Variants in MYO9A observed in about 807,000 individuals in gnomAD.
The protein encoded by MYO9A is unconventional myosin-IXa.
A neutral mutation model predicts 293.3 loss-of-function variants in MYO9A; 103 were observed. The ratio of observed to expected loss-of-function variants is 0.35; its 90% CI spans 0.30 to 0.41. The LOEUF is 0.41. Among genes scored for constraint, MYO9A ranks in the 10% least tolerant of loss-of-function variants. The pLI is 1.00. For missense variants in MYO9A, 2,685 were observed against 3,033.0 expected (o/e 0.89, Z 2.69); for synonymous variants, 1,001 against 1,035.7 (o/e 0.97, Z 0.64).
At chr15:71,985,851 T>C (rs913225166) in intron 11 of MYO9A, among the ~76,000 whole-genome samples, 1 of 152,156 alleles carries the variant, frequency 6.6e-6, no homozygotes, top group Non-Finnish European at 1.5e-5. Context: ...ACAAGTAAAA[T>C]GGATGAAACA....
At chr15:71,835,759 T>C (rs2054915758) in intron 39 of MYO9A, among the ~76,000 whole-genome samples, 1 of 152,150 alleles carries the variant, frequency 6.6e-6, no homozygotes. Context: ...TTTTTGAGGC[T>C]GATTTCATAA....
At chr15:71,964,629 A>AAG (rs2075825630) in intron 13 of MYO9A, among the ~76,000 whole-genome samples, 1 of 151,130 alleles carries the variant, frequency 6.6e-6, no homozygotes, top group East Asian at 1.9e-4. Context: ...AAAAAAAAAA[A>AAG]AAAAAAAATT....
chr15:71,853,474 G>T (rs2055739819), intron 35 of MYO9A, among the ~76,000 whole-genome samples: 1 of 152,176 alleles, frequency 6.6e-6, no homozygotes, highest in Non-Finnish European at 1.5e-5. Flanking sequence ...GTCAGTAACT[G>T]CCTGTAAACC....
chr15:71,919,739 G>C (rs1567271491), intron 18 of MYO9A, among the ~76,000 whole-genome samples: 1 of 150,788 alleles, frequency 6.6e-6, no homozygotes. Flanking sequence ...CTACTCGGGA[G>C]GCTGAGGCAG....
chr15:72,023,704 A>G (rs1411978908), intron 4 of MYO9A, among the ~76,000 whole-genome samples: 1 of 151,238 alleles, frequency 6.6e-6, no homozygotes, highest in African/African-American at 2.4e-5. Flanking sequence ...TCAAAAAAAA[A>G]AAAAAAAAAG....
At position 72,046,556 on chromosome 15, in the gene MYO9A, A is replaced by G. The variant is rs777725706; in HGVS notation, c.8T>C (p.Ile3Thr). The change falls in exon 2 of 42, where the codon ATA becomes ACA. Residue 3 changes from isoleucine (I) to threonine (T), a missense_variant. Ile to Thr is a moderately conservative substitution (Grantham distance 89). Transcript: ENST00000356056. MN[I>T]NDGGRRRFED... The stretch of plus-strand genomic sequence containing the variant: ...AAAGCGTCGTCTTCCTCCATCATTT[A>G]TATTCATATTGGATCCTGTCCCATC... 1.3e-6 allele frequency: 2 copies of G among 1,593,692 alleles called. No homozygotes were observed. Among genetic ancestry groups the G allele is most frequent in the Non-Finnish European group, 1.7e-6 (2 of 1,169,386 alleles).
intron 11 of MYO9A, among the ~76,000 whole-genome samples, 167 bp from the exon 12 acceptor site, chr15:71,978,459 G>A (rs1023485813): frequency 7.2e-5 from 11 of 152,190 alleles, no homozygotes; most frequent in East Asian, 1.9e-4. Context: ...TTAATACAAC[G>A]TATTTGTTTT....
intron 8 of MYO9A, among the ~76,000 whole-genome samples, chr15:72,002,435 C>A (rs1431297752): frequency 6.6e-6 from 1 of 151,992 alleles, no homozygotes; most frequent in Non-Finnish European, 1.5e-5. Flanking sequence ...AACTCCTAAA[C>A]TCAAACAATC....
chr15:72,084,620 T>C (rs2079657003), intron 1 of MYO9A, among the ~76,000 whole-genome samples: 1 of 152,226 alleles, frequency 6.6e-6, no homozygotes, highest in African/African-American at 2.4e-5. Flanking sequence ...CTTTCCATAC[T>C]TAGTGCTTCC....
intron 25 of MYO9A, among the ~76,000 whole-genome samples, chr15:71,894,224 A>C (rs2057259332): frequency 6.6e-6 from 1 of 152,170 alleles, no homozygotes; most frequent in Admixed American, 6.5e-5. Flanking sequence ...CTTATTGGTT[A>C]GAAAACTCCT....
At position 72,019,091 on chromosome 15, in the gene MYO9A, G is replaced by A. The variant is rs566463852; in HGVS notation, c.1103C>T (p.Thr368Ile). Residue 368 changes from threonine to isoleucine, a missense_variant, in exon 6 of 42, where the codon ACA becomes ATA. By Grantham distance (89) the Thr-to-Ile change is moderately conservative. Around this residue, in one of 10 missense-constraint regions of MYO9A, gnomAD observed 289 missense variants for 456.8 expected, o/e 0.63. Transcript: ENST00000356056. ...CCAGCTCTGTCTGAGGGGTTTCTTTGTTATCTGAAAGTAAGGCAGATTAGT... is the reference window on the plus strand; with the variant it reads ...CCAGCTCTGTCTGAGGGGTTTCTTTATTATCTGAAAGTAAGGCAGATTAGT... ...PEEYHYLNQI[T>I]KKPLRQSWDD... 3.6e-5 allele frequency: 58 copies of A among 1,613,450 alleles called. 1 individual carries two copies. In the South Asian group the frequency reaches 5.8e-4, roughly 16 times the overall value.
Position 71,823,957 on chromosome 15 carries a change from A to C in MYO9A, c.*2623T>G, listed in dbSNP as rs1391086429. ...ACATAACTTTACCATGCAGAGGGCC[A>C]GTGAGAACAGATGGATGCAGACACA... On this transcript the variant is annotated 3_prime_UTR_variant, in exon 42 of 42. Transcript: ENST00000356056. The C allele has an allele frequency of 6.6e-6, 1 of 152,268 alleles. No individual in the cohort carries two copies. The highest frequency in any genetic ancestry group is 2.4e-5 in the African/African-American group (1 of 41,470). 9.4% of individuals were successfully genotyped at this position (152,268 alleles called of 1,614,324 possible).
At chr15:71,949,590 G>A (rs1369212389) in intron 15 of MYO9A, among the ~76,000 whole-genome samples, 1 of 151,730 alleles carries the variant, frequency 6.6e-6, no homozygotes, top group East Asian at 1.9e-4. Context: ...TTTCTAAAAA[G>A]CAGCAAACTT....
At chr15:72,040,612 T>C (rs2078198931) in intron 2 of MYO9A, among the ~76,000 whole-genome samples, 1 of 152,232 alleles carries the variant, frequency 6.6e-6, no homozygotes, top group Admixed American at 6.5e-5. Flanking sequence ...TTCCGTTTTT[T>C]TGAGACGGAG....
intron 11 of MYO9A, among the ~76,000 whole-genome samples, chr15:71,987,060 C>T (rs938165073): frequency 6.6e-6 from 1 of 152,056 alleles, no homozygotes; most frequent in Non-Finnish European, 1.5e-5. Context: ...CATTTAGATA[C>T]ACAAATACTT....
intron 32 of MYO9A, among the ~76,000 whole-genome samples, chr15:71,868,376 G>A (rs143441736): frequency 6.6e-6 from 1 of 152,262 alleles, no homozygotes; most frequent in East Asian, 1.9e-4. Context: ...TATGTCTCCT[G>A]CATCATCTTC....
chr15:72,103,103 G>A (rs2080417750), intron 1 of MYO9A, among the ~76,000 whole-genome samples: 1 of 147,690 alleles, frequency 6.8e-6, no homozygotes, highest in African/African-American at 2.5e-5. Context: ...GGCTGAGGAA[G>A]GAGAATCACT....
chr15:72,070,985 A>G (rs1365275769), intron 1 of MYO9A, among the ~76,000 whole-genome samples: 1 of 152,246 alleles, frequency 6.6e-6, no homozygotes, highest in Non-Finnish European at 1.5e-5. Context: ...TCATCTGAAC[A>G]TTTGCCTAGG....
At chr15:71,859,880 CTACG>C in intron 33 of MYO9A, 84 bp from the exon 34 acceptor site, 1 of 1,212,524 alleles carries the variant, frequency 8.2e-7, no homozygotes, top group Non-Finnish European at 1.2e-6. Flanking sequence ...TATTTTAGAC[CTACG>C]TTTTTTTCTT....
Sources: allele counts gnomAD v4.1 joint callset (sites outside exome capture counted in the v4.1 genomes callset), GRCh38; gene constraint gnomAD v4.1.1; regional missense constraint gnomAD v4.1.1; transcripts MANE v1.5; gene names NCBI Gene and HGNC (gene_info 2026-07-23, HGNC 2026-07-21).